The following FCHSD2 variants were observed in gnomAD, a reference collection of about 807,000 sequenced individuals.
FCHSD2 encodes F-BAR and double SH3 domains protein 2.
In FCHSD2, 38 loss-of-function variants were observed where a neutral mutation model predicts 108.1. The ratio of observed to expected loss-of-function variants is 0.35; its 90% confidence interval spans 0.27 to 0.46. FCHSD2 has a LOEUF of 0.46. Among genes scored for constraint, FCHSD2 ranks in the 20% least tolerant of loss-of-function variants. The probability of loss-of-function intolerance (pLI) is 1.00; values close to 1 mark genes in which losing one functional copy is unlikely to be tolerated. For synonymous variants in FCHSD2, 279 were observed against 314.7 expected, an observed-to-expected ratio of 0.89 and a Z score of 1.20; for missense variants, 751 against 897.8, an observed-to-expected ratio of 0.84 and a Z score of 2.09.
intron 13 of FCHSD2, 92 bp from the exon 14 acceptor site, chr11:72,849,981 T>C: frequency 2.0e-6 from 2 of 985,878 alleles, no homozygotes; most frequent in Non-Finnish European, 3.1e-6. Context: ...TGTTTCAAAA[T>C]GTTAATTTGC....
chr11:72,850,061 T>G (rs1026981069), intron 13 of FCHSD2, among the ~76,000 whole-genome samples, 172 bp from the exon 14 acceptor site: 2 of 1,764 alleles, frequency 1.1e-3, no homozygotes, highest in Non-Finnish European at 5.6e-3. Context: ...AATAGAGTTT[T>G]TTTTTTTTTT....
intron 3 of FCHSD2, among the ~76,000 whole-genome samples, chr11:73,039,364 G>A (rs895041076): frequency 6.6e-6 from 1 of 151,710 alleles, no homozygotes; most frequent in South Asian, 2.1e-4. Context: ...CTAAAAATAC[G>A]AAAATTAGCT....
chr11:73,142,100 G>GGGTCCGGGC lies in FCHSD2; in HGVS notation c.-224_-223insGCCCGGACC. On this transcript the variant is annotated 5_prime_UTR_variant, in exon 1 of 20. Transcript: ENST00000409418. Reference sequence around the variant, plus strand: ...GAGGGAGGAGCACCGGGAAGGCTTGGGGCCCGGGCGGCCCGGGCGGCCCGG... The same window carrying GGGTCCGGGC: ...GAGGGAGGAGCACCGGGAAGGCTTGGGGTCCGGGCGGCCCGGGCGGCCCGGGCGGCCCGG... The GGGTCCGGGC allele has an allele frequency of 2.2e-6, 1 of 463,382 alleles. No homozygotes were observed. The highest frequency in any genetic ancestry group is 3.9e-5 in the East Asian group (1 of 25,866). 28.7% of individuals were successfully genotyped at this position (463,382 alleles called of 1,614,324 possible). A position where few individuals can be genotyped will look rare whatever the true frequency, so the allele number is the denominator to read the frequency against.
chr11:72,987,419 GATTTCT>G (rs1857330820), intron 6 of FCHSD2, among the ~76,000 whole-genome samples: 1 of 152,158 alleles, frequency 6.6e-6, no homozygotes, highest in Non-Finnish European at 1.5e-5. Flanking sequence ...TTAGGCACTT[GATTTCT>G]TTGAGTTTCT....
intron 4 of FCHSD2, among the ~76,000 whole-genome samples, chr11:73,003,636 G>A (rs1041892961): frequency 7.3e-4 from 110 of 151,170 alleles, no homozygotes; most frequent in Non-Finnish European, 1.2e-3. Flanking sequence ...ACAGGCGCCC[G>A]CCACTACGCC....
intron 8 of FCHSD2, among the ~76,000 whole-genome samples, chr11:72,946,832 T>C (rs1396189552): frequency 1.3e-5 from 2 of 152,182 alleles, no homozygotes; most frequent in South Asian, 2.1e-4. Context: ...TTAAGTATAA[T>C]GCCTAGGGAA....
chr11:72,873,277 C>A (rs535634212), intron 12 of FCHSD2, among the ~76,000 whole-genome samples: 1 of 151,316 alleles, frequency 6.6e-6, no homozygotes, highest in South Asian at 2.1e-4. Context: ...TGCAGTGAAC[C>A]GAGATCGCGC....
chr11:72,847,715 C>CA (rs1440279044), intron 14 of FCHSD2, among the ~76,000 whole-genome samples: 1 of 121,588 alleles, frequency 8.2e-6, no homozygotes, highest in Non-Finnish European at 1.6e-5. Context: ...TTTTTTGAGA[C>CA]AGAGTCTCGC....
intron 3 of FCHSD2, among the ~76,000 whole-genome samples, chr11:73,058,149 G>C (rs530612461): frequency 6.6e-6 from 1 of 152,282 alleles, no homozygotes; most frequent in South Asian, 2.1e-4. Flanking sequence ...AAAGTGCTGG[G>C]ATTACAGGCG....
chr11:72,979,766 A>C (rs905103052), intron 8 of FCHSD2, among the ~76,000 whole-genome samples: 2 of 152,356 alleles, frequency 1.3e-5, no homozygotes, highest in South Asian at 4.1e-4. Context: ...TCAAGAAAAA[A>C]ATAAGACATA....
chr11:72,860,063 T>A, intron 13 of FCHSD2, among the ~76,000 whole-genome samples: 1 of 152,020 alleles, frequency 6.6e-6, no homozygotes, highest in South Asian at 2.1e-4. Context: ...ATAAGGAGGG[T>A]CCAACCTAGA....
intron 5 of FCHSD2, among the ~76,000 whole-genome samples, chr11:72,991,146 C>G (rs886984535): frequency 6.6e-6 from 1 of 152,168 alleles, no homozygotes; most frequent in Non-Finnish European, 1.5e-5. Flanking sequence ...CATACACCCT[C>G]CCAAGACTAA....
intron 8 of FCHSD2, among the ~76,000 whole-genome samples, chr11:72,974,633 T>A (rs966034373): frequency 2.0e-5 from 3 of 152,196 alleles, no homozygotes; most frequent in Admixed American, 2.0e-4. Context: ...CTACTGGGAC[T>A]GAGAAACAGA....
chr11:72,858,964 C>T (rs142302248), intron 13 of FCHSD2, among the ~76,000 whole-genome samples: 1 of 152,296 alleles, frequency 6.6e-6, no homozygotes, highest in Non-Finnish European at 1.5e-5. Context: ...GGGAAACAAA[C>T]AAACTCCTAC....
At chr11:72,921,235 T>C (rs925350437) in intron 9 of FCHSD2, among the ~76,000 whole-genome samples, 1 of 152,234 alleles carries the variant, frequency 6.6e-6, no homozygotes, top group African/African-American at 2.4e-5. Flanking sequence ...AAGGATAGTT[T>C]CACGACTGCA....
intron 5 of FCHSD2, among the ~76,000 whole-genome samples, chr11:72,993,985 T>C (rs1175972125): frequency 2.0e-5 from 3 of 152,184 alleles, no homozygotes; most frequent in Non-Finnish European, 2.9e-5. Flanking sequence ...TCCGGACATG[T>C]CCCTTACAGG....
intron 8 of FCHSD2, among the ~76,000 whole-genome samples, chr11:72,947,546 C>A (rs189661661): frequency 8.5e-5 from 13 of 152,282 alleles, no homozygotes; most frequent in Admixed American, 7.8e-4. Flanking sequence ...CTGAGTCTAG[C>A]AAGAAATGGG....
chr11:73,006,162 C>G (rs757869256), intron 4 of FCHSD2, among the ~76,000 whole-genome samples: 1 of 151,824 alleles, frequency 6.6e-6, no homozygotes, highest in East Asian at 1.9e-4. Context: ...CTGCCTTAGC[C>G]TCCTAAAGTT....
At chr11:73,096,986 G>GGTTTTTTTTTTTTTTTTTT (rs1400831147) in intron 2 of FCHSD2, among the ~76,000 whole-genome samples, 2 of 19,474 alleles carry the variant, frequency 1.0e-4, no homozygotes, top group African/African-American at 2.8e-4. Context: ...TTCATTGATG[G>GGTTTTTTTTTTTTTTTTTT]ATTTTTTTTT....
Sources: gnomAD v4.1 joint callset for allele counts (sites outside exome capture counted in the v4.1 genomes callset) on GRCh38, gnomAD v4.1.1 for gene constraint, MANE v1.5 for transcripts, NCBI Gene and HGNC (gene_info 2026-07-23, HGNC 2026-07-21) for gene names.